Variants in TMEM91 observed in about 807,000 individuals in gnomAD.
TMEM91 encodes transmembrane protein 91.
In TMEM91, 6 loss-of-function variants were observed where a neutral mutation model predicts 13.3. That is an observed-to-expected ratio of 0.45 (90% confidence interval 0.25 to 0.89). The LOEUF (loss-of-function observed/expected upper bound fraction) is 0.89. TMEM91 is among the 40% of genes least tolerant of loss of function. The probability of loss-of-function intolerance (pLI) is 0.19; values close to 1 mark genes in which losing one functional copy is unlikely to be tolerated. For synonymous variants in TMEM91, 87 were observed against 101.7 expected, an observed-to-expected ratio of 0.86 and a Z score of 0.87; for missense variants, 193 against 228.7, an observed-to-expected ratio of 0.84 and a Z score of 1.01.
intron 1 of TMEM91, among the ~76,000 whole-genome samples, chr19:41,369,612 C>T (rs1360707349): frequency 6.6e-6 from 1 of 151,810 alleles, no homozygotes; most frequent in Non-Finnish European, 1.5e-5. Context: ...CGAGACAAGC[C>T]TGGCCAACAT....
At chr19:41,380,767 A>T (rs1053797797) in intron 2 of TMEM91, among the ~76,000 whole-genome samples, 1 of 151,984 alleles carries the variant, frequency 6.6e-6, no homozygotes, top group African/African-American at 2.4e-5. Context: ...TACAAAAATT[A>T]GCCAGGTGTA....
intron 1 of TMEM91, among the ~76,000 whole-genome samples, chr19:41,369,340 G>T (rs1326057282): frequency 6.6e-6 from 1 of 151,994 alleles, no homozygotes; most frequent in Non-Finnish European, 1.5e-5. Context: ...GCCACGCCCA[G>T]CTAATTAGTA....
At chr19:41,364,937 C>G (rs911064628) in intron 1 of TMEM91, among the ~76,000 whole-genome samples, 1 of 151,790 alleles carries the variant, frequency 6.6e-6, no homozygotes, top group South Asian at 2.1e-4. Flanking sequence ...TACGGTGGCT[C>G]GATCACAGCT....
chr19:41,383,168 C>T (rs993337513), intron 3 of TMEM91: 17 of 540,646 alleles, frequency 3.1e-5, no homozygotes, highest in South Asian at 2.1e-4. Flanking sequence ...ATTCTCCTGC[C>T]CCAGCCTCCT....
At chr19:41,368,426 G>A (rs954508025) in intron 1 of TMEM91, among the ~76,000 whole-genome samples, 2 of 127,450 alleles carry the variant, frequency 1.6e-5, no homozygotes, top group Non-Finnish European at 3.5e-5. Context: ...CCTTTTTTTT[G>A]GGGGGGGTGG....
At chr19:41,381,914 G>A (rs1399999005) in intron 2 of TMEM91, among the ~76,000 whole-genome samples, 1 of 152,086 alleles carries the variant, frequency 6.6e-6, no homozygotes, top group Non-Finnish European at 1.5e-5. Context: ...TGCCCAGGCT[G>A]GAGTGCTGTG....
rs770623333 is a variant in TMEM91, at chr19:41,383,794, C to T, written c.440C>T (p.Ala147Val). The T allele has an allele frequency of 1.9e-6, 3 of 1,611,298 alleles. No homozygotes were observed. Among genetic ancestry groups the T allele is most frequent in the Non-Finnish European group, 8.5e-7 (1 of 1,178,492 alleles). Residue 147 changes from alanine to valine, a missense_variant, in exon 4 of 4, where the codon GCC (alanine) becomes GTC (valine). Physicochemically the swap from Ala to Val is moderately conservative, Grantham distance 64. Transcript: ENST00000392002. ...SRRAFLLGVL[A>V]VGLGVCTYAA... The stretch of plus-strand genomic sequence containing the variant: ...CGTGCCTTCCTGCTGGGGGTCCTCG[C>T]CGTCGGGCTGGGCGTGTGCACGTAT...
chr19:41,376,165 GACAACAACA>G (rs60180822), upstream of TMEM91: 1 of 151,482 alleles, frequency 6.6e-6, no homozygotes, highest in East Asian at 1.9e-4. Context: ...AAATAGCAGC[GACAACAACA>G]ACAACAACAA....
chr19:41,367,628 T>C (rs980323623), intron 1 of TMEM91, among the ~76,000 whole-genome samples: 23 of 151,848 alleles, frequency 1.5e-4, no homozygotes, highest in African/African-American at 5.6e-4. Context: ...TGAGACAAAG[T>C]CTCAAAAACA....
intron 1 of TMEM91, among the ~76,000 whole-genome samples, chr19:41,371,177 T>C (rs1599921905): frequency 6.6e-6 from 1 of 150,790 alleles, no homozygotes; most frequent in Middle Eastern, 3.4e-3. Context: ...GACTTTTGTA[T>C]TTTTAGTAGA....
upstream of TMEM91, among the ~76,000 whole-genome samples, chr19:41,372,237 C>G (rs541809494): frequency 6.6e-6 from 1 of 152,088 alleles, no homozygotes; most frequent in Admixed American, 6.6e-5. Flanking sequence ...ATCCCAGCTA[C>G]TCGGAGGCTG....
At chr19:41,367,369 A>G (rs950929091) in intron 1 of TMEM91, among the ~76,000 whole-genome samples, 2 of 151,938 alleles carry the variant, frequency 1.3e-5, no homozygotes, top group African/African-American at 4.8e-5. Flanking sequence ...GCGGTGGCTC[A>G]CGCCTGTAAT....
rs530081349 is a variant in TMEM91, at chr19:41,364,813, T to C, written c.-30+718T>C. On this transcript the variant is annotated intron_variant, in intron 1 of 3. Transcript: ENST00000413014. ...ATTGATTGATTTATCAATCAAGAAA[T>C]GGAGATGTTGTCCCTGGATGCCATC... Among the ~76,000 whole-genome samples, 11 of 152,068 alleles carry C rather than the reference T, an allele frequency of 7.2e-5. No homozygotes were observed. In the East Asian group the frequency reaches 1.9e-3, roughly 27 times the overall value.
upstream of TMEM91, among the ~76,000 whole-genome samples, chr19:41,373,337 G>A (rs1258004312): frequency 2.0e-5 from 3 of 151,902 alleles, no homozygotes; most frequent in Non-Finnish European, 4.4e-5. Context: ...GCTCTCACTG[G>A]AAGTGAATTA....
chr19:41,364,686 C>T (rs2038484891), intron 1 of TMEM91, among the ~76,000 whole-genome samples: 1 of 152,052 alleles, frequency 6.6e-6, no homozygotes, highest in African/African-American at 2.4e-5. Flanking sequence ...GGAGCTACTA[C>T]CAAGTTCACT....
Position 41,378,268 on chromosome 19 carries a change from C to T in TMEM91, c.-29-13C>T. 1.3e-6 allele frequency: 2 copies of T among 1,584,536 alleles called. No individual in the cohort carries two copies. The highest frequency in any genetic ancestry group is 8.6e-7 in the Non-Finnish European group (1 of 1,158,946). On this transcript the variant is annotated splice_polypyrimidine_tract_variant and intron_variant, in intron 1 of 3. Transcript: ENST00000392002. Reference sequence around the variant, plus strand: ...ACTTTTACAACTTGTCTTTTTCTTCCCCCTACCCCTAGGAAACCCCTCCTG... The same window carrying T: ...ACTTTTACAACTTGTCTTTTTCTTCTCCCTACCCCTAGGAAACCCCTCCTG...
At chr19:41,365,707 G>GT (rs3061204) in intron 1 of TMEM91, among the ~76,000 whole-genome samples, 821 of 69,640 alleles carry the variant, frequency 0.012, 5 homozygotes, top group East Asian at 0.016. Context: ...GACCGGCCGG[G>GT]TTTTTTTTTT....
At chr19:41,368,431 G>T (rs896506894) in intron 1 of TMEM91, among the ~76,000 whole-genome samples, 2 of 148,688 alleles carry the variant, frequency 1.3e-5, no homozygotes, top group Non-Finnish European at 3.0e-5. Flanking sequence ...TTTTTGGGGG[G>T]GGTGGTTATT....
chr19:41,373,806 C>T (rs1400410039), upstream of TMEM91, among the ~76,000 whole-genome samples: 2 of 150,356 alleles, frequency 1.3e-5, no homozygotes, highest in African/African-American at 2.4e-5. Context: ...ATGGCTTGAA[C>T]CCAGGAGATG....
Sources: gnomAD v4.1 joint callset for allele counts (sites outside exome capture counted in the v4.1 genomes callset) on GRCh38, gnomAD v4.1.1 for gene constraint, MANE v1.5 for transcripts, NCBI Gene and HGNC (gene_info 2026-07-23, HGNC 2026-07-21) for gene names.